The following RAPGEF3 variants were observed in gnomAD, a reference collection of about 807,000 sequenced individuals.
RAPGEF3 encodes 9330170P05Rik.
Under a neutral mutation model 129.8 loss-of-function variants are expected in RAPGEF3, and 103 were observed. The ratio of observed to expected loss-of-function variants is 0.79; its 90% CI spans 0.68 to 0.93. RAPGEF3 has a LOEUF of 0.93. RAPGEF3 is among the 40% of genes least tolerant of loss of function. RAPGEF3 has a pLI of 0.00. For synonymous variants in RAPGEF3, 436 were observed against 482.6 expected (o/e 0.90, Z 1.26); for missense variants, 1,117 against 1,207.4 (o/e 0.93, Z 1.11).
At position 47,749,289 on chromosome 12, in the gene RAPGEF3, G is replaced by T. The variant is rs1230839458; in HGVS notation, c.1041+101C>A. On this transcript the variant is annotated intron_variant, in intron 10 of 27. Transcript: ENST00000449771. This position sits in a 1 kb window ranked among gnomAD's most constrained non-coding sequence, Gnocchi z 4.5. Reference sequence around the variant, plus strand: ...TGTCATAGCCCAGCATCTCTTACCTGCCCTGCTTCTTACAGGCCCTCTGCT... The same window carrying T: ...TGTCATAGCCCAGCATCTCTTACCTTCCCTGCTTCTTACAGGCCCTCTGCT... 7.0e-7 allele frequency: 1 copy of T among 1,429,404 alleles called. No individual in the cohort carries two copies. Among genetic ancestry groups the T allele is most frequent in the Non-Finnish European group, 9.7e-7 (1 of 1,031,138 alleles). The allele number at this position is 1,429,404 out of a possible 1,614,324, so 88.5% of individuals were successfully genotyped here. A position where few individuals can be genotyped will look rare whatever the true frequency, so the allele number is the denominator to read the frequency against.
intron 2 of RAPGEF3, among the ~76,000 whole-genome samples, chr12:47,753,465 C>G (rs1001842466): frequency 1.3e-5 from 2 of 152,236 alleles, no homozygotes; most frequent in African/African-American, 4.8e-5. Context: ...GCACAGGCAT[C>G]TTGGCACTGC....
intron 16 of RAPGEF3, chr12:47,744,323 G>A (rs1473269140): frequency 1.8e-6 from 1 of 546,656 alleles, no homozygotes; most frequent in African/African-American, 1.9e-5. Context: ...GCATCTGCCA[G>A]ATAGGTCCAG....
chr12:47,740,686 G>C lies in RAPGEF3; in HGVS notation c.2187C>G (p.Gly729=), dbSNP rs1470441889. ...ACTTCCTGAGCAGCTGGGCCCGGGG[G>C]CCGGGCACGGGGCAGAGACACAGCT... ...ATELCLCPVP[G]PRAQLLRKFI... Residue 729 remains glycine (G), a synonymous_variant, in exon 21 of 28, where the codon GGC becomes GGG. Transcript: ENST00000449771. 1.2e-6 allele frequency: 2 copies of C among 1,613,762 alleles called. No homozygotes were observed. The highest frequency in any genetic ancestry group is 1.7e-6 in the Non-Finnish European group (2 of 1,179,976).
intron 1 of RAPGEF3, 90 bp downstream of exon 1, chr12:47,758,461 C>T: frequency 1.3e-6 from 2 of 1,586,158 alleles, no homozygotes; most frequent in Non-Finnish European, 1.7e-6. Flanking sequence ...CCCTGACTAA[C>T]CCTCCCTCTC....
At chr12:47,743,898 G>C (rs891383930) in intron 17 of RAPGEF3, 89 bp downstream of exon 17, 4 of 1,444,882 alleles carry the variant, frequency 2.8e-6, no homozygotes, top group Admixed American at 3.5e-5. Context: ...CAGGCACACC[G>C]AGGTCAAGAG....
At chr12:47,743,775 A>G (rs1941283557) in intron 17 of RAPGEF3, 99 bp from the exon 18 acceptor site, 2 of 1,504,750 alleles carry the variant, frequency 1.3e-6, no homozygotes. Flanking sequence ...GGGATCCCCA[A>G]GAGGCTGAGC....
rs142663335 is a variant in RAPGEF3 at position 47,744,057 on chromosome 12, C to A, written c.1608G>T (p.Leu536Phe). The change falls in exon 17 of 28, where the codon TTG (leucine) becomes TTT (phenylalanine). Residue 536 changes from leucine to phenylalanine, a missense_variant. By Grantham distance (22) the Leu-to-Phe change is conservative (BLOSUM62 0). Coordinates refer to ENST00000449771, the MANE Select transcript of RAPGEF3 (RefSeq NM_001098531.4). ...CGTCCTGGTTGGGGAGCCAAACAGG[C>A]AAGTTCCGGGCCTGGGAGGAAGAGG... ...NASPQMKARN[L>F]PVWLPNQDEP... 1.2e-6 allele frequency: 2 copies of A among 1,606,122 alleles called. No homozygotes were observed. Among genetic ancestry groups the A allele is most frequent in the African/African-American group, 1.3e-5 (1 of 74,850 alleles).
intron 16 of RAPGEF3, chr12:47,744,295 C>T (rs1941314224): frequency 1.8e-6 from 1 of 570,564 alleles, no homozygotes; most frequent in East Asian, 3.0e-5. Context: ...CCATGCCCCT[C>T]CGTGTGTGTG....
rs1941723693 is a variant in RAPGEF3 at position 47,751,229 on chromosome 12, G to C, written c.503-13C>G. The C allele has an allele frequency of 6.5e-7, 1 of 1,547,980 alleles. No homozygotes were observed. Among genetic ancestry groups the C allele is most frequent in the African/African-American group, 1.4e-5 (1 of 73,074 alleles). ...CAGTCGTGTTTCACTGGGGGGCAGA[G>C]GCCCAGGCGTGGGGGAGGAGAGGAA... On this transcript the variant is annotated splice_polypyrimidine_tract_variant and intron_variant, in intron 5 of 27. Transcript: ENST00000449771.
rs1362508599 is a variant in RAPGEF3 at position 47,749,769 on chromosome 12, C to G, written c.866G>C (p.Gly289Ala). 1 of 1,614,192 alleles carries G rather than the reference C, an allele frequency of 6.2e-7. No individual in the cohort carries two copies. Among genetic ancestry groups the G allele is most frequent in the Admixed American group, 1.7e-5 (1 of 60,020 alleles). ...KGTSWYIIWK[G>A]SVNVVTHGKG... ...GCCATGGGTCACCACGTTGACAGAT[C>G]CCTTCCAGATAATGTACCACGAAGT... Residue 289 changes from glycine (G) to alanine (A), a missense_variant, in exon 9 of 28, where the codon GGA becomes GCA. Physicochemically the swap from Gly to Ala is moderately conservative, Grantham distance 60. Transcript: ENST00000449771. This position sits in a 1 kb window ranked among gnomAD's most constrained non-coding sequence, Gnocchi z 4.5.
chr12:47,748,230 G>A (rs1941542305), intron 12 of RAPGEF3, 78 bp from the exon 13 acceptor site: 1 of 1,261,730 alleles, frequency 7.9e-7, no homozygotes, highest in Non-Finnish European at 1.1e-6. Context: ...ACAGCTGGAA[G>A]GACCCTTCCC....
At chr12:47,747,477 G>C (rs554946936) in intron 15 of RAPGEF3, 67 bp downstream of exon 15, 1 of 1,507,046 alleles carries the variant, frequency 6.6e-7, no homozygotes, top group Non-Finnish European at 9.2e-7. Flanking sequence ...ACTCCAGAGC[G>C]TATGCTCTTG....
At chr12:47,746,959 A>G in intron 15 of RAPGEF3, 60 bp from the exon 16 acceptor site, 1 of 1,526,208 alleles carries the variant, frequency 6.6e-7, no homozygotes. Context: ...TGCAGCAGGG[A>G]GGCCCTTGGG....
At chr12:47,746,638 T>A in intron 16 of RAPGEF3, 1 of 711,490 alleles carries the variant, frequency 1.4e-6, no homozygotes, top group Middle Eastern at 3.1e-4. Context: ...AGTCAGGGAG[T>A]GGGCGAGGAG....
At chr12:47,747,983 G>T in intron 13 of RAPGEF3, 91 bp downstream of exon 13, 2 of 1,563,718 alleles carry the variant, frequency 1.3e-6, no homozygotes, top group Non-Finnish European at 1.7e-6. Context: ...CATTTAAAGG[G>T]CTCAGCACAG....
In RAPGEF3 at chr12:47,744,007, G is replaced by A; in HGVS notation, c.1658C>T (p.Ala553Val). The change falls in exon 17 of 28, where the codon GCC becomes GTC. Residue 553 changes from alanine to valine, a missense_variant. By Grantham distance (64) the Ala-to-Val change is moderately conservative. This residue lies in a region of RAPGEF3 where 643 missense variants were observed against 673.4 expected (regional missense o/e 0.95). Coordinates refer to ENST00000449771, the MANE Select transcript of RAPGEF3 (RefSeq NM_001098531.4). ...CCAACCTTTATCCCCAACTTGGATG[G>A]CACAGCTGCTGCCAGGAAGGGGCTC... The part of the protein sequence containing the change: ...QDEPLPGSSC[A>V]IQVGDKVPYD... 2 of 1,610,702 alleles carry A rather than the reference G, an allele frequency of 1.2e-6. No homozygotes were observed. The highest frequency in any genetic ancestry group is 2.2e-5 in the East Asian group (1 of 44,874).
rs368208929 is a variant in RAPGEF3, at chr12:47,749,563, G to A, written c.895-27C>T. 7.7e-5 allele frequency: 113 copies of A among 1,463,016 alleles called. 1 individual carries two copies. The highest frequency in any genetic ancestry group is 7.2e-4 in the African/African-American group (51 of 70,582). 90.6% of individuals were successfully genotyped at this position (1,463,016 alleles called of 1,614,324 possible). ...TGCAGCCAGGCCTCAGTCTCAGCCC[G>A]CCCCTGCCGCCCCTGCCGCCCCCAG... On this transcript the variant is annotated intron_variant, in intron 9 of 27. Coordinates refer to ENST00000449771, the MANE Select transcript of RAPGEF3 (RefSeq NM_001098531.4). The surrounding 1 kb of genome is among the most constrained non-coding windows in gnomAD (Gnocchi z 4.5).
At chr12:47,748,634 C>T (rs1372129362) in intron 11 of RAPGEF3, 92 bp from the exon 12 acceptor site, 20 of 1,266,002 alleles carry the variant, frequency 1.6e-5, no homozygotes, top group African/African-American at 4.4e-5. Context: ...TCATTTTTCT[C>T]CATTAGCCAG....
Position 47,738,061 on chromosome 12 carries a change from G to A in RAPGEF3, c.2614C>T (p.His872Tyr). The change falls in exon 27 of 28, where the codon CAC (histidine) becomes TAC (tyrosine). Residue 872 changes from histidine (H) to tyrosine (Y), a missense_variant. His to Tyr is a moderately conservative substitution (Grantham distance 83). Around this residue, in one of 3 missense-constraint regions of RAPGEF3, gnomAD observed 643 missense variants for 673.4 expected, o/e 0.95. Coordinates refer to ENST00000449771, the MANE Select transcript of RAPGEF3 (RefSeq NM_001098531.4). ...PLSPLRSRVS[H>Y]LHEDSQVARI... Reference sequence around the variant, plus strand: ...GCCACCTGGCTGTCCTCGTGGAGGTGGGAAACTCGGCTTCTGAGTGGTGAG... The same window carrying A: ...GCCACCTGGCTGTCCTCGTGGAGGTAGGAAACTCGGCTTCTGAGTGGTGAG... 1.9e-6 allele frequency: 3 copies of A among 1,614,126 alleles called. No individual in the cohort carries two copies. The highest frequency in any genetic ancestry group is 2.5e-6 in the Non-Finnish European group (3 of 1,180,020).
Sources: gnomAD v4.1 joint callset for allele counts (sites outside exome capture counted in the v4.1 genomes callset) on GRCh38, gnomAD v4.1.1 for gene constraint, gnomAD v4.1.1 regional missense constraint, Gnocchi (gnomAD v3.1) non-coding constraint, MANE v1.5 for transcripts, NCBI Gene and HGNC (gene_info 2026-07-23, HGNC 2026-07-21) for gene names.